EEF1AKMT3: variants seen among roughly 807,000 people sequenced by gnomAD.
The protein encoded by EEF1AKMT3 is eEF1A-KMT3.
A neutral mutation model predicts 17.8 loss-of-function variants in EEF1AKMT3; 17 were observed. The ratio of observed to expected loss-of-function variants is 0.96; its 90% CI spans 0.65 to 1.43. The LOEUF is 1.43. Ranked by LOEUF, EEF1AKMT3 falls within the 40% of genes most tolerant of loss-of-function variation. EEF1AKMT3 has a pLI of 0.00. For synonymous variants in EEF1AKMT3, 116 were observed against 126.5 expected, an observed-to-expected ratio of 0.92 and a Z score of 0.56; for missense variants, 244 against 285.8, an observed-to-expected ratio of 0.85 and a Z score of 1.06.
rs554167068 is a variant in EEF1AKMT3, at chr12:57,772,635, C to A, written c.-90C>A. 2.9e-5 allele frequency: 40 copies of A among 1,399,534 alleles called. No individual in the cohort carries two copies. The East Asian group carries it at 9.5e-4, about 33-fold the overall frequency. 86.7% of individuals were successfully genotyped at this position (1,399,534 alleles called of 1,614,324 possible). The stretch of plus-strand genomic sequence containing the variant: ...CGGGGCTCGTTCCACAGGGACACCA[C>A]GACGGCTCGCGGCCCCCAGCCTCTA... On this transcript the variant is annotated 5_prime_UTR_variant, in exon 1 of 3. Transcript: ENST00000300209. This position sits in a 1 kb window ranked among gnomAD's most constrained non-coding sequence, Gnocchi z 4.1.
At chr12:57,775,036 C>T (rs967242388) in intron 2 of EEF1AKMT3, among the ~76,000 whole-genome samples, 8 of 131,486 alleles carry the variant, frequency 6.1e-5, no homozygotes, top group East Asian at 2.6e-4. Flanking sequence ...ACCCGGGAGG[C>T]GGAGGTTGCA....
chr12:57,780,319 C>T lies in EEF1AKMT3; in HGVS notation c.354C>T (p.Ala118=). The T allele has an allele frequency of 6.2e-7, 1 of 1,614,138 alleles. No homozygotes were observed. Among genetic ancestry groups the T allele is most frequent in the Non-Finnish European group, 8.5e-7 (1 of 1,180,020 alleles). ...AACAGATCCAGGGCAACGTCCAGGC[C>T]AATGTGCCAGCTGGAGGCCAGGCCC... ...ALEQIQGNVQ[A]NVPAGGQAQV... The change falls in exon 3 of 3, where the codon GCC becomes GCT. Residue 118 remains alanine (A), a synonymous_variant. Transcript: ENST00000300209.
intron 2 of EEF1AKMT3, among the ~76,000 whole-genome samples, chr12:57,778,074 A>AT (rs1046754120): frequency 6.6e-6 from 1 of 151,196 alleles, no homozygotes; most frequent in African/African-American, 2.4e-5. Flanking sequence ...AGACTATCCC[A>AT]TTTCTATCTC....
intron 2 of EEF1AKMT3, 50 bp downstream of exon 2, chr12:57,773,178 A>T: frequency 6.4e-7 from 1 of 1,554,742 alleles, no homozygotes; most frequent in Non-Finnish European, 8.9e-7. Context: ...AGGGGCGCGG[A>T]GAAATGGTCA....
At chr12:57,776,346 T>A (rs1366953515) in intron 2 of EEF1AKMT3, among the ~76,000 whole-genome samples, 1 of 152,240 alleles carries the variant, frequency 6.6e-6, no homozygotes. Flanking sequence ...TATGCATCCC[T>A]CCTTCCTCAG....
chr12:57,775,466 C>T (rs1955475011), intron 2 of EEF1AKMT3, among the ~76,000 whole-genome samples: 1 of 151,684 alleles, frequency 6.6e-6, no homozygotes. Context: ...ACCGCAACAT[C>T]CGCCTCCTGG....
At chr12:57,778,587 G>A (rs1435052786) in intron 2 of EEF1AKMT3, among the ~76,000 whole-genome samples, 3 of 152,040 alleles carry the variant, frequency 2.0e-5, no homozygotes, top group Non-Finnish European at 2.9e-5. Context: ...GATTACAGGC[G>A]TGAGCCACTG....
At chr12:57,775,124 A>AG in intron 2 of EEF1AKMT3, among the ~76,000 whole-genome samples, 1 of 150,736 alleles carries the variant, frequency 6.6e-6, no homozygotes, top group Non-Finnish European at 1.5e-5. Context: ...AAAAAAAAAA[A>AG]AAAAAAAAGA....
intron 2 of EEF1AKMT3, among the ~76,000 whole-genome samples, chr12:57,774,292 C>G (rs903244951): frequency 6.6e-6 from 1 of 152,144 alleles, no homozygotes. Context: ...ACCAGCCTGA[C>G]CAACATGGTG....
chr12:57,779,484 T>G (rs1955498963), intron 2 of EEF1AKMT3, among the ~76,000 whole-genome samples: 1 of 152,138 alleles, frequency 6.6e-6, no homozygotes, highest in Admixed American at 6.5e-5. Context: ...CTTGCTTCTC[T>G]TTCTATCATA....
At chr12:57,778,696 G>A (rs1955495109) in intron 2 of EEF1AKMT3, among the ~76,000 whole-genome samples, 2 of 152,038 alleles carry the variant, frequency 1.3e-5, no homozygotes, top group Admixed American at 6.6e-5. Flanking sequence ...TTCAGGATCT[G>A]ACCATTTCTT....
chr12:57,778,006 C>G (rs924716413), intron 2 of EEF1AKMT3, among the ~76,000 whole-genome samples: 1 of 139,012 alleles, frequency 7.2e-6, no homozygotes, highest in Non-Finnish European at 1.5e-5. Context: ...GCAACAAGTG[C>G]GAGACTCCAT....
chr12:57,775,125 A>G (rs1258555752), intron 2 of EEF1AKMT3, among the ~76,000 whole-genome samples: 3 of 150,814 alleles, frequency 2.0e-5, no homozygotes, highest in African/African-American at 7.3e-5. Context: ...AAAAAAAAAA[A>G]AAAAAAAGAA....
chr12:57,776,768 A>G (rs1414627839), intron 2 of EEF1AKMT3, among the ~76,000 whole-genome samples: 1 of 152,088 alleles, frequency 6.6e-6, no homozygotes. Flanking sequence ...CTCCTGTCTC[A>G]GCCTTCCAAG....
chr12:57,780,164 A>G, intron 2 of EEF1AKMT3, 91 bp from the exon 3 acceptor site: 1 of 1,505,792 alleles, frequency 6.6e-7, no homozygotes. Flanking sequence ...ATTGTCCTCT[A>G]TGCTCTGAGG....
Position 57,780,240 on chromosome 12 carries a change from C to A in EEF1AKMT3, c.290-15C>A, listed in dbSNP as rs745511139. On this transcript the variant is annotated splice_polypyrimidine_tract_variant and intron_variant, in intron 2 of 2. Coordinates refer to ENST00000300209, the MANE Select transcript of EEF1AKMT3 (RefSeq NM_015433.3). ...GTTCCTCTGACTTGCATTTTTCCTC[C>A]TTCCTCTCTCTCAGGGGGGGATGTT... is the stretch of plus-strand genomic sequence containing the variant. 6.2e-7 allele frequency: 1 copy of A among 1,605,742 alleles called. No individual in the cohort carries two copies. The highest frequency in any genetic ancestry group is 8.5e-7 in the Non-Finnish European group (1 of 1,178,034).
rs546812880 is a variant in EEF1AKMT3, at chr12:57,776,551, C to T, written c.289+3423C>T. On this transcript the variant is annotated intron_variant, in intron 2 of 2. Coordinates refer to ENST00000300209, the MANE Select transcript of EEF1AKMT3 (RefSeq NM_015433.3). ...CCACTTTTTCTGCCACTCTCCTGAA[C>T]AACTGTTTCTTACCTTCTTATTCCT... is the stretch of plus-strand genomic sequence containing the variant. Among the ~76,000 whole-genome samples the T allele has an allele frequency of 5.9e-5, 9 of 152,336 alleles. No homozygotes were observed. In the South Asian group the frequency reaches 1.9e-3, roughly 32 times the overall value.
chr12:57,777,914 G>T (rs755476288), intron 2 of EEF1AKMT3, among the ~76,000 whole-genome samples: 1 of 151,720 alleles, frequency 6.6e-6, no homozygotes. Context: ...AGCTACTTGC[G>T]AGGCTGAGGC....
intron 2 of EEF1AKMT3, 57 bp downstream of exon 2, chr12:57,773,185 G>A (rs186688001): frequency 6.6e-7 from 1 of 1,521,938 alleles, no homozygotes; most frequent in African/African-American, 1.4e-5. Flanking sequence ...CGGAGAAATG[G>A]TCACTTCGTG....
Sources: allele counts gnomAD v4.1 joint callset (sites outside exome capture counted in the v4.1 genomes callset), GRCh38; gene constraint gnomAD v4.1.1; non-coding constraint Gnocchi (gnomAD v3.1); transcripts MANE v1.5; gene names NCBI Gene and HGNC (gene_info 2026-07-23, HGNC 2026-07-21).